The following SHC4 variants were observed in gnomAD, a reference collection of about 807,000 sequenced individuals.
The protein encoded by SHC4 is SHC adaptor protein 4.
In SHC4, 41 loss-of-function variants were observed where a neutral mutation model predicts 69.4. The ratio of observed to expected loss-of-function variants is 0.59; its 90% CI spans 0.46 to 0.77. The LOEUF is 0.77. Ranked by LOEUF, SHC4 falls within the 30% of genes least tolerant of loss-of-function variation. SHC4 has a pLI of 0.00. For synonymous variants in SHC4, 318 were observed against 299.3 expected, an observed-to-expected ratio of 1.06 and a Z score of -0.64; for missense variants, 777 against 783.8, an observed-to-expected ratio of 0.99 and a Z score of 0.10.
chr15:48,877,249 C>G (rs796705525), intron 4 of SHC4: 79 of 218,918 alleles, frequency 3.6e-4, no homozygotes, highest in African/African-American at 1.7e-3. Flanking sequence ...TCATCACCCC[C>G]AGATGGGACC....
intron 11 of SHC4, among the ~76,000 whole-genome samples, chr15:48,833,635 T>C (rs1344454321): frequency 6.6e-6 from 1 of 152,126 alleles, no homozygotes; most frequent in Admixed American, 6.5e-5. Context: ...GCATCCAAAA[T>C]ATGGCAGTAC....
At chr15:48,878,093 G>A in intron 4 of SHC4, 4 of 1,495,908 alleles carry the variant, frequency 2.7e-6, no homozygotes, top group Non-Finnish European at 3.6e-6. Flanking sequence ...CAAGCGCGCA[G>A]CCTTTGCGCA....
intron 6 of SHC4, among the ~76,000 whole-genome samples, chr15:48,860,159 T>C (rs1439023698): frequency 6.6e-6 from 1 of 151,336 alleles, no homozygotes; most frequent in Non-Finnish European, 1.5e-5. Context: ...AATAAATACT[T>C]TTTTTTTAAA....
chr15:48,944,412 T>C (rs1261851159), intron 1 of SHC4, among the ~76,000 whole-genome samples: 1 of 152,190 alleles, frequency 6.6e-6, no homozygotes, highest in Non-Finnish European at 1.5e-5. Flanking sequence ...AAAAGGGGGC[T>C]GACTCAGCCA....
intron 10 of SHC4, among the ~76,000 whole-genome samples, chr15:48,841,127 A>C (rs1312476990): frequency 6.6e-6 from 1 of 152,212 alleles, no homozygotes; most frequent in Non-Finnish European, 1.5e-5. Context: ...ATTATAAAGG[A>C]ACTGGAGTTG....
intron 10 of SHC4, among the ~76,000 whole-genome samples, chr15:48,841,200 T>C (rs1192194092): frequency 3.3e-5 from 5 of 152,194 alleles, no homozygotes; most frequent in African/African-American, 4.8e-5. Flanking sequence ...TCTCTGATAA[T>C]ATGTGTGGCT....
chr15:48,893,185 C>G (rs1389438073), intron 2 of SHC4, among the ~76,000 whole-genome samples: 1 of 152,232 alleles, frequency 6.6e-6, no homozygotes, highest in Non-Finnish European at 1.5e-5. Context: ...AAGGATGAAC[C>G]TTCCTGGCAG....
At chr15:48,867,480 C>T (rs1283327010) in intron 6 of SHC4, among the ~76,000 whole-genome samples, 1 of 152,166 alleles carries the variant, frequency 6.6e-6, no homozygotes, top group African/African-American at 2.4e-5. Context: ...GGCCAATAAC[C>T]TCACTCCTCA....
chr15:48,915,848 C>CT (rs910361959), intron 2 of SHC4, among the ~76,000 whole-genome samples: 1 of 152,138 alleles, frequency 6.6e-6, no homozygotes, highest in Admixed American at 6.5e-5. Flanking sequence ...CCTTAGCACT[C>CT]TTCTCAGTAA....
chr15:48,928,853 A>G (rs2141026846), intron 1 of SHC4, among the ~76,000 whole-genome samples: 1 of 152,266 alleles, frequency 6.6e-6, no homozygotes, highest in South Asian at 2.1e-4. Context: ...AGCCAAGGGA[A>G]TAAAAAGAGG....
At chr15:48,922,680 T>G (rs1900772862) in intron 2 of SHC4, among the ~76,000 whole-genome samples, 1 of 152,196 alleles carries the variant, frequency 6.6e-6, no homozygotes, top group South Asian at 2.1e-4. Flanking sequence ...GGGGACATAT[T>G]CAGACCATAG....
chr15:48,857,927 G>T, intron 6 of SHC4, 112 bp from the exon 7 acceptor site: 1 of 775,440 alleles, frequency 1.3e-6, no homozygotes, highest in Non-Finnish European at 1.8e-6. Context: ...AAAGGGAGCA[G>T]GATTACAAGC....
intron 1 of SHC4, among the ~76,000 whole-genome samples, chr15:48,934,043 C>T (rs186104658): frequency 6.6e-6 from 1 of 152,174 alleles, no homozygotes; most frequent in Admixed American, 6.5e-5. Flanking sequence ...TTAGATATGA[C>T]ACCGAAAGCA....
intron 2 of SHC4, among the ~76,000 whole-genome samples, chr15:48,903,435 G>T (rs1900350474): frequency 6.6e-6 from 1 of 152,164 alleles, no homozygotes; most frequent in South Asian, 2.1e-4. Context: ...ATGTAGCATA[G>T]TTAAAACTCA....
In SHC4 at chr15:48,962,853, A is replaced by T. The variant is rs1426187720; in HGVS notation, c.163T>A (p.Ser55Thr). 1 of 1,612,908 alleles carries T rather than the reference A, an allele frequency of 6.2e-7. No individual in the cohort carries two copies. The highest frequency in any genetic ancestry group is 1.3e-5 in the African/African-American group (1 of 74,866). The change falls in exon 1 of 12, where the codon TCG (serine) becomes ACG (threonine). Residue 55 changes from serine (S) to threonine (T), a missense_variant. Transcript: ENST00000332408. The part of the protein sequence containing the change: ...SSGGSVGNKG[S>T]PQPPHPALAP... ...AGGGCGGGGTGGGGAGGCTGCGGCG[A>T]GCCCTTGTTCCCGACCGAGCCTCCG...
At chr15:48,867,890 CTG>C in intron 5 of SHC4, 21 bp from the exon 6 acceptor site, 2 of 1,601,726 alleles carry the variant, frequency 1.2e-6, no homozygotes, top group Non-Finnish European at 1.7e-6. Flanking sequence ...GGGAAAATGA[CTG>C]TATTTAAAAT....
chr15:48,890,414 C>A (rs1208368048), intron 3 of SHC4, among the ~76,000 whole-genome samples: 3 of 152,170 alleles, frequency 2.0e-5, no homozygotes, highest in African/African-American at 7.2e-5. Context: ...TAGTGCAACT[C>A]CCTAACTCCA....
intron 6 of SHC4, among the ~76,000 whole-genome samples, chr15:48,861,200 G>A (rs1428810023): frequency 6.6e-6 from 1 of 152,206 alleles, no homozygotes; most frequent in Non-Finnish European, 1.5e-5. Flanking sequence ...CTGGGCTCAA[G>A]TGATCCTCCT....
In SHC4 at chr15:48,850,502, A is replaced by G. The variant is rs1358539571; in HGVS notation, c.1303+686T>C. On this transcript the variant is annotated intron_variant, in intron 9 of 11. Coordinates refer to ENST00000332408, the MANE Select transcript of SHC4 (RefSeq NM_203349.4). ...ATCCATCTGTATTCTCCACTGCATTATTTATACAGTTCAGTCATCTCCCCC... is the reference window on the plus strand; with the variant it reads ...ATCCATCTGTATTCTCCACTGCATTGTTTATACAGTTCAGTCATCTCCCCC... Among the ~76,000 whole-genome samples, 4 of 152,184 alleles carry G rather than the reference A, an allele frequency of 2.6e-5. No homozygotes were observed. In the East Asian group the frequency reaches 7.7e-4, roughly 29 times the overall value.
Sources: allele counts gnomAD v4.1 joint callset (sites outside exome capture counted in the v4.1 genomes callset), GRCh38; gene constraint gnomAD v4.1.1; transcripts MANE v1.5; gene names NCBI Gene and HGNC (gene_info 2026-07-23, HGNC 2026-07-21).